FREM2: variants seen among roughly 807,000 people sequenced by gnomAD.
FREM2 encodes FRAS1 related extracellular matrix 2.
Under a neutral mutation model 219.9 loss-of-function variants are expected in FREM2, and 119 were observed. The ratio of observed to expected loss-of-function variants is 0.54; its 90% CI spans 0.47 to 0.63. FREM2 has a LOEUF of 0.63. Among genes scored for constraint, FREM2 ranks in the 30% least tolerant of loss-of-function variants. The pLI, the probability that FREM2 is intolerant of heterozygous loss-of-function variation, is 0.00. For synonymous variants in FREM2, 1,562 were observed against 1,522.8 expected (o/e 1.03, Z -0.60); for missense variants, 4,030 against 3,993.6 (o/e 1.01, Z -0.25).
At chr13:38,699,283 T>A (rs981512452) in intron 2 of FREM2, among the ~76,000 whole-genome samples, 27 of 152,080 alleles carry the variant, frequency 1.8e-4, no homozygotes, top group African/African-American at 6.3e-4. Context: ...TATTCTATAC[T>A]TTTTAATAAA....
At chr13:38,858,454 G>A (rs139071966) in intron 13 of FREM2, among the ~76,000 whole-genome samples, 3 of 152,272 alleles carry the variant, frequency 2.0e-5, no homozygotes, top group African/African-American at 7.2e-5. Context: ...GTGGAATTTT[G>A]ACTCTTTAGG....
At chr13:38,878,065 C>A in intron 21 of FREM2, 69 bp from the exon 22 acceptor site, 2 of 1,286,634 alleles carry the variant, frequency 1.6e-6, no homozygotes, top group Non-Finnish European at 1.1e-6. Flanking sequence ...TTGTCATAAC[C>A]TGTTTACAGT....
intron 17 of FREM2, among the ~76,000 whole-genome samples, 173 bp from the exon 18 acceptor site, chr13:38,874,309 T>C (rs1312347103): frequency 2.0e-5 from 3 of 152,192 alleles, no homozygotes; most frequent in African/African-American, 7.2e-5. Flanking sequence ...CTTTTCTGCT[T>C]AGAAAAGAAA....
At chr13:38,857,759 A>G (rs1877613937) in intron 12 of FREM2, 116 bp from the exon 13 acceptor site, 1 of 876,206 alleles carries the variant, frequency 1.1e-6, no homozygotes, top group Non-Finnish European at 1.9e-6. Context: ...GAGTATGACA[A>G]TTTGCATCAT....
At chr13:38,756,952 T>C (rs1181488241) in intron 2 of FREM2, among the ~76,000 whole-genome samples, 1 of 152,080 alleles carries the variant, frequency 6.6e-6, no homozygotes, top group Non-Finnish European at 1.5e-5. Context: ...GCATGAGAGC[T>C]GAAACAAAGC....
intron 2 of FREM2, 140 bp downstream of exon 2, chr13:38,697,927 A>G: frequency 1.4e-6 from 1 of 703,488 alleles, no homozygotes; most frequent in African/African-American, 1.8e-5. Flanking sequence ...GCTGTAGACA[A>G]TTTTACAATC....
intron 1 of FREM2, among the ~76,000 whole-genome samples, chr13:38,696,018 A>G (rs1284247083): frequency 1.3e-5 from 2 of 152,164 alleles, no homozygotes; most frequent in South Asian, 2.1e-4. Context: ...GTAGAGTTAG[A>G]AATATGGGGC....
intron 6 of FREM2, among the ~76,000 whole-genome samples, chr13:38,828,781 A>G (rs1301362844): frequency 6.6e-6 from 1 of 152,106 alleles, no homozygotes; most frequent in Non-Finnish European, 1.5e-5. Context: ...TTTCATGTCA[A>G]TGCATATAAA....
intron 4 of FREM2, among the ~76,000 whole-genome samples, chr13:38,772,924 T>G (rs1300539646): frequency 3.3e-5 from 5 of 152,032 alleles, no homozygotes; most frequent in Non-Finnish European, 7.4e-5. Context: ...CTGGAACTCC[T>G]GACCTCAGGT....
chr13:38,689,534 C>A lies in FREM2; in HGVS notation c.2190C>A (p.Asp730Glu). 6.2e-7 allele frequency: 1 copy of A among 1,613,986 alleles called. No homozygotes were observed. Among genetic ancestry groups the A allele is most frequent in the Non-Finnish European group, 8.5e-7 (1 of 1,179,962 alleles). ...GGAAGAAGTGGCTGCGCTACACTGA[C>A]CTGGACACAGATGACCGAGAACTAC... The part of the protein sequence containing the change: ...PLRKKWLRYT[D>E]LDTDDRELRY... The change falls in exon 1 of 24, where the codon GAC (aspartate) becomes GAA (glutamate). Residue 730 changes from aspartate to glutamate, a missense_variant. Asp to Glu is a conservative substitution (Grantham distance 45). Around this residue, in one of 2 missense-constraint regions of FREM2, gnomAD observed 3,102 missense variants for 2,950.7 expected, o/e 1.05. Transcript: ENST00000280481.
intron 3 of FREM2, 149 bp downstream of exon 3, chr13:38,764,599 G>C (rs2137809611): frequency 1.7e-6 from 1 of 592,692 alleles, no homozygotes; most frequent in Admixed American, 3.2e-5. Flanking sequence ...CAAGCAACAG[G>C]TTTGTGTCAA....
rs1229924730 is a variant in FREM2, at chr13:38,688,587, G to T, written c.1243G>T (p.Val415Leu). 6.2e-7 allele frequency: 1 copy of T among 1,613,772 alleles called. No homozygotes were observed. Among genetic ancestry groups the T allele is most frequent in the African/African-American group, 1.3e-5 (1 of 74,920 alleles). Residue 415 changes from valine (V) to leucine (L), a missense_variant, in exon 1 of 24, where the codon GTG becomes TTG. Coordinates refer to ENST00000280481, the MANE Select transcript of FREM2 (RefSeq NM_207361.6). ...ERLFELELEV[V>L]DLEGAASDPF... ...CCTCTTTGAACTGGAATTGGAGGTA[G>T]TGGATCTAGAAGGAGCAGCTTCAGA...
intron 16 of FREM2, 151 bp downstream of exon 16, chr13:38,864,757 G>C (rs866155621): frequency 2.8e-6 from 2 of 716,952 alleles, no homozygotes; most frequent in Middle Eastern, 3.7e-4. Context: ...GGCATGGATG[G>C]TGTGAAAATC....
intron 16 of FREM2, among the ~76,000 whole-genome samples, chr13:38,869,958 C>T (rs944874762): frequency 5.9e-5 from 9 of 152,218 alleles, no homozygotes; most frequent in Admixed American, 1.3e-4. Context: ...AGGTAAACAG[C>T]GACTGATAAC....
At chr13:38,748,992 T>C (rs1269017080) in intron 2 of FREM2, among the ~76,000 whole-genome samples, 1 of 152,188 alleles carries the variant, frequency 6.6e-6, no homozygotes, top group African/African-American at 2.4e-5. Flanking sequence ...TGGGCTACAA[T>C]AAAGACATGG....
intron 2 of FREM2, among the ~76,000 whole-genome samples, chr13:38,742,897 C>T (rs531992735): frequency 6.6e-6 from 1 of 152,270 alleles, no homozygotes; most frequent in East Asian, 1.9e-4. Flanking sequence ...CCCATTGTTG[C>T]TTGGAATGGC....
At chr13:38,778,752 T>C (rs1280236855) in intron 4 of FREM2, among the ~76,000 whole-genome samples, 1 of 152,056 alleles carries the variant, frequency 6.6e-6, no homozygotes, top group East Asian at 1.9e-4. Context: ...GTGGCACACA[T>C]TTATCTATGT....
intron 2 of FREM2, among the ~76,000 whole-genome samples, chr13:38,730,142 A>G (rs2197887): frequency 0.53 from 79,888 of 152,080 alleles, 25,258 homozygotes; most frequent in Non-Finnish European, 0.69. Flanking sequence ...AGTCACACAC[A>G]TCTCACGGTA....
chr13:38,737,372 G>A (rs929974200), intron 2 of FREM2, among the ~76,000 whole-genome samples: 2 of 152,128 alleles, frequency 1.3e-5, no homozygotes, highest in Non-Finnish European at 2.9e-5. Context: ...TAGCATCTGA[G>A]ACATCCAAAG....
Sources: gnomAD v4.1 joint callset for allele counts (sites outside exome capture counted in the v4.1 genomes callset) on GRCh38, gnomAD v4.1.1 for gene constraint, gnomAD v4.1.1 regional missense constraint, MANE v1.5 for transcripts, NCBI Gene and HGNC (gene_info 2026-07-23, HGNC 2026-07-21) for gene names.